Variants in CC2D2A observed in about 807,000 individuals in gnomAD.
CC2D2A encodes coiled-coil and C2 domain-containing protein 2A.
Under a neutral mutation model 212.9 loss-of-function variants are expected in CC2D2A, and 155 were observed. That is an observed-to-expected ratio of 0.73 (90% confidence interval 0.64 to 0.83). The LOEUF (loss-of-function observed/expected upper bound fraction) is 0.83. Ranked by LOEUF, CC2D2A falls within the 40% of genes least tolerant of loss-of-function variation. The pLI, the probability that CC2D2A is intolerant of heterozygous loss-of-function variation, is 0.00. For missense variants in CC2D2A, 1,856 were observed against 1,956.2 expected (o/e 0.95, Z 0.97); for synonymous variants, 667 against 686.5 (o/e 0.97, Z 0.44).
chr4:15,569,432 T>C, intron 27 of CC2D2A, 43 bp downstream of exon 27: 1 of 1,118,814 alleles, frequency 8.9e-7, no homozygotes, highest in Non-Finnish European at 1.3e-6. Flanking sequence ...TTCACTTTCA[T>C]ATCCTCTACC....
intron 28 of CC2D2A, among the ~76,000 whole-genome samples, chr4:15,573,436 G>A (rs369127773): frequency 2.0e-5 from 3 of 152,096 alleles, no homozygotes; most frequent in Non-Finnish European, 4.4e-5. Context: ...GACCACAGGC[G>A]TGTGCCACCA....
intron 4 of CC2D2A, among the ~76,000 whole-genome samples, chr4:15,489,241 C>G (rs940627670): frequency 1.1e-4 from 16 of 152,068 alleles, no homozygotes; most frequent in African/African-American, 3.6e-4. Context: ...TTTTAAAAGT[C>G]ATGAGGACCT....
At chr4:15,496,231 T>C (rs1378379935) in intron 4 of CC2D2A, among the ~76,000 whole-genome samples, 1 of 152,164 alleles carries the variant, frequency 6.6e-6, no homozygotes, top group African/African-American at 2.4e-5. Context: ...AGCTCTCTAG[T>C]TTAATTAGGT....
chr4:15,511,095 C>T (rs1178916182), intron 7 of CC2D2A, 152 bp from the exon 8 acceptor site: 3 of 777,492 alleles, frequency 3.9e-6, no homozygotes, highest in Non-Finnish European at 5.7e-6. Context: ...AAGTTTATTA[C>T]CAGTAGTCTC....
Position 15,580,094 on chromosome 4 carries a change from A to G in CC2D2A, c.3898A>G (p.Ile1300Val). 6.2e-7 allele frequency: 1 copy of G among 1,613,982 alleles called. No individual in the cohort carries two copies. Among genetic ancestry groups the G allele is most frequent in the African/African-American group, 1.3e-5 (1 of 75,054 alleles). ...VIDISGKTVF[I>V]TRYLKPLNPP... ...TGATATAAGCGGAAAAACTGTTTTT[A>G]TCACACGTTATCTCAAACCTTTAAA... Residue 1300 changes from isoleucine to valine, a missense_variant, in exon 30 of 37, where the codon ATC becomes GTC. Transcript: ENST00000424120.
chr4:15,475,104 T>C (rs1714094015), intron 1 of CC2D2A, among the ~76,000 whole-genome samples: 1 of 152,010 alleles, frequency 6.6e-6, no homozygotes. Context: ...TGAAACCCTG[T>C]CTCTACTAAA....
chr4:15,514,685 G>A (rs571443591), intron 8 of CC2D2A, 22 bp from the exon 9 acceptor site: 1 of 1,460,378 alleles, frequency 6.8e-7, no homozygotes, highest in South Asian at 1.6e-5. Flanking sequence ...ATTTTTTCTT[G>A]TTACTTTTTA....
At chr4:15,522,529 A>AG (rs1717269052) in intron 11 of CC2D2A, among the ~76,000 whole-genome samples, 1 of 150,830 alleles carries the variant, frequency 6.6e-6, no homozygotes, top group Admixed American at 6.6e-5. Context: ...TTAATTACAG[A>AG]GGGGGAAAAG....
chr4:15,473,149 T>C (rs552301219), intron 1 of CC2D2A: 1 of 152,336 alleles, frequency 6.6e-6, no homozygotes, highest in African/African-American at 2.4e-5. Flanking sequence ...ATATATTGAA[T>C]GTCCATGATG....
intron 36 of CC2D2A, among the ~76,000 whole-genome samples, chr4:15,600,903 CAAAAA>C (rs5856308): frequency 1.3e-4 from 12 of 93,006 alleles, no homozygotes; most frequent in Admixed American, 4.3e-4. Context: ...AGACCTGTCT[CAAAAA>C]AAAAAAAAAA....
chr4:15,479,061 C>T (rs1487151153), intron 3 of CC2D2A, among the ~76,000 whole-genome samples: 2 of 152,176 alleles, frequency 1.3e-5, no homozygotes, highest in Non-Finnish European at 2.9e-5. Context: ...AGTTTTCTCC[C>T]ATCTCCTGAG....
At chr4:15,568,116 C>T (rs1276541873) in intron 26 of CC2D2A, among the ~76,000 whole-genome samples, 1 of 152,242 alleles carries the variant, frequency 6.6e-6, no homozygotes, top group Non-Finnish European at 1.5e-5. Context: ...CCTCATGTCC[C>T]CTCAAGTAAA....
intron 26 of CC2D2A, 106 bp downstream of exon 26, chr4:15,567,892 C>T (rs1719967208): frequency 8.0e-6 from 6 of 751,370 alleles, no homozygotes; most frequent in Admixed American, 7.0e-5. Context: ...AGCTAGTGAG[C>T]GGCAACAAGA....
At chr4:15,542,646 C>T (rs932794779) in intron 17 of CC2D2A, among the ~76,000 whole-genome samples, 2 of 152,180 alleles carry the variant, frequency 1.3e-5, no homozygotes, top group African/African-American at 4.8e-5. Context: ...TCTGTACTGA[C>T]TGATAAATAG....
At chr4:15,544,234 C>A (rs1316639361) in intron 17 of CC2D2A, among the ~76,000 whole-genome samples, 4 of 152,224 alleles carry the variant, frequency 2.6e-5, no homozygotes, top group African/African-American at 9.6e-5. Context: ...CAGAAGCACA[C>A]TTGCCGCTCC....
Position 15,537,908 on chromosome 4 carries a change from A to T in CC2D2A, c.1774A>T (p.Lys592Ter), listed in dbSNP as rs1718220098. The change falls in exon 16 of 37, where the codon AAG (lysine) becomes TAG (stop). Residue 592 changes from lysine to a stop codon, truncating the protein, a stop_gained. Coordinates refer to ENST00000424120, the MANE Select transcript of CC2D2A (RefSeq NM_001378615.1). LOFTEE classifies it high-confidence loss of function. ...GCCTCTAACTCAACAGAGGGCCAAG[A>T]AGAAGAAAAGGAAACAAGCAGCAGA... The part of the protein sequence containing the change: ...KAWRKVQRAK[K>*]KKRKQAAEEH... 1.3e-6 allele frequency: 2 copies of T among 1,598,868 alleles called. No homozygotes were observed. The highest frequency in any genetic ancestry group is 4.5e-5 in the East Asian group (2 of 44,194).
intron 30 of CC2D2A, among the ~76,000 whole-genome samples, chr4:15,581,740 T>C (rs945401988): frequency 2.6e-5 from 4 of 152,244 alleles, no homozygotes; most frequent in African/African-American, 7.2e-5. Context: ...GAATTTATAC[T>C]ACCTGTATAA....
At chr4:15,527,763 G>A in intron 12 of CC2D2A, 107 bp downstream of exon 12, 1 of 795,336 alleles carries the variant, frequency 1.3e-6, no homozygotes, top group South Asian at 1.8e-5. Flanking sequence ...TCTTTCACAT[G>A]TTTCCTCGGT....
intron 2 of CC2D2A, among the ~76,000 whole-genome samples, 185 bp from the exon 3 acceptor site, chr4:15,478,538 G>T (rs946052856): frequency 6.6e-6 from 1 of 152,160 alleles, no homozygotes; most frequent in Non-Finnish European, 1.5e-5. Context: ...ACGACTTTTC[G>T]AAAACATGTC....
Sources: gnomAD v4.1 joint callset for allele counts (sites outside exome capture counted in the v4.1 genomes callset) on GRCh38, gnomAD v4.1.1 for gene constraint, MANE v1.5 for transcripts, NCBI Gene and HGNC (gene_info 2026-07-23, HGNC 2026-07-21) for gene names.